Variants in CPNE7 observed in about 807,000 individuals in gnomAD.
CPNE7 encodes copine 7.
In CPNE7, 78 loss-of-function variants were observed where a neutral mutation model predicts 66.5. The ratio of observed to expected loss-of-function variants is 1.17; its 90% CI spans 0.98 to 1.42. The LOEUF (loss-of-function observed/expected upper bound fraction) is 1.42. CPNE7 is among the 40% of genes most tolerant of loss of function. The pLI is 0.00. For synonymous variants in CPNE7, 468 were observed against 336.7 expected, an observed-to-expected ratio of 1.39 and a Z score of -4.27; for missense variants, 1,012 against 776.6, an observed-to-expected ratio of 1.30 and a Z score of -3.60.
At chr16:89,587,327 G>GCCGCCCC (rs2059069034) in intron 9 of CPNE7, among the ~76,000 whole-genome samples, 2 of 16 alleles carry the variant, frequency 0.12, 1 homozygote, top group African/African-American at 0.2. Flanking sequence ...CCCTCAGTCC[G>GCCGCCCC]TGGCCCCGCC....
chr16:89,583,509 G>A, intron 2 of CPNE7, 188 bp from the exon 3 acceptor site: 1 of 1,560,212 alleles, frequency 6.4e-7, no homozygotes. Context: ...TGCAGGGGTG[G>A]CCACACGCAG....
Position 89,591,178 on chromosome 16 carries a change from T to C in CPNE7, c.1220T>C (p.Leu407Pro), listed in dbSNP as rs760578733. 1.9e-5 allele frequency: 30 copies of C among 1,604,250 alleles called. No individual in the cohort carries two copies. The East Asian group carries it at 6.3e-4, about 34-fold the overall frequency. ...AYQNCLPRVQ[L>P]YGPTNVAPII... ...CAGAACTGCCTGCCCAGGGTCCAGC[T>C]CTACGGCCCCACCAACGTGGCGCCC... is the stretch of plus-strand genomic sequence containing the variant. The change falls in exon 13 of 15, where the codon CTC becomes CCC. Residue 407 changes from leucine (L) to proline (P), a missense_variant. Leu to Pro is a moderately conservative substitution (Grantham distance 98). Transcript: ENST00000319518.
chr16:89,592,997 A>T (rs2059198822), intron 13 of CPNE7, among the ~76,000 whole-genome samples: 1 of 150,606 alleles, frequency 6.6e-6, no homozygotes, highest in Admixed American at 6.6e-5. Context: ...ATTTTTGTAG[A>T]GATGGGGTTT....
At chr16:89,585,154 T>C (rs1445928536) in intron 5 of CPNE7, among the ~76,000 whole-genome samples, 2 of 152,238 alleles carry the variant, frequency 1.3e-5, no homozygotes, top group Non-Finnish European at 2.9e-5. Flanking sequence ...GAGAGTGCTT[T>C]CTTTTGAGAG....
intron 2 of CPNE7, chr16:89,578,899 G>A (rs760485243): frequency 1.2e-6 from 2 of 1,613,760 alleles, no homozygotes; most frequent in South Asian, 1.1e-5. Flanking sequence ...GAGAGTGTCT[G>A]TTGATGTGCT....
chr16:89,580,300 C>T (rs1860441569), intron 2 of CPNE7, among the ~76,000 whole-genome samples: 1 of 138,082 alleles, frequency 7.2e-6, no homozygotes, highest in African/African-American at 2.8e-5. Context: ...ACGGAACATC[C>T]CGTCACCCGC....
At chr16:89,582,276 C>G (rs2151433315) in intron 2 of CPNE7, among the ~76,000 whole-genome samples, 1 of 152,332 alleles carries the variant, frequency 6.6e-6, no homozygotes, top group Middle Eastern at 3.4e-3. Flanking sequence ...TCATGTGATT[C>G]AAGTAAACAG....
intron 2 of CPNE7, 80 bp from the exon 3 acceptor site, chr16:89,583,617 C>A (rs1023860263): frequency 2.5e-6 from 4 of 1,606,750 alleles, no homozygotes; most frequent in Non-Finnish European, 3.4e-6. Context: ...CCTGAGAGTC[C>A]GGGTGAGGGC....
In CPNE7 at chr16:89,595,544, C is replaced by T. The variant is rs760212835; in HGVS notation, c.1480C>T (p.Arg494Trp). The change falls in exon 14 of 15, where the codon CGG (arginine) becomes TGG (tryptophan). Residue 494 changes from arginine to tryptophan, a missense_variant. Physicochemically the swap from Arg to Trp is moderately radical, Grantham distance 101 (BLOSUM62 -3). Coordinates refer to ENST00000319518, the MANE Select transcript of CPNE7 (RefSeq NM_153636.3). ...CGACGACGGCGTCCTGCGCTCCCCA[C>T]GGGGTGAGCCCGCGCTCCGGGACAT... The part of the protein sequence containing the change: ...DGDDGVLRSP[R>W]GEPALRDIVQ... The T allele has an allele frequency of 9.3e-6, 15 of 1,612,278 alleles. No homozygotes were observed. Among genetic ancestry groups the T allele is most frequent in the South Asian group, 5.5e-5 (5 of 91,048 alleles).
chr16:89,595,132 AGAC>A (rs1331978283), intron 13 of CPNE7, among the ~76,000 whole-genome samples: 8 of 152,084 alleles, frequency 5.3e-5, no homozygotes, highest in Non-Finnish European at 1.2e-4. Context: ...GCCCTCCGTG[AGAC>A]TCGTGGAGAT....
chr16:89,589,513 G>C (rs1409715405), intron 10 of CPNE7, among the ~76,000 whole-genome samples: 1 of 152,134 alleles, frequency 6.6e-6, no homozygotes, highest in Non-Finnish European at 1.5e-5. Context: ...CCTGGCCTGG[G>C]GCTTGGGAGA....
intron 1 of CPNE7, among the ~76,000 whole-genome samples, 200 bp downstream of exon 1, chr16:89,576,271 C>CTGG (rs2058858067): frequency 6.6e-6 from 1 of 151,650 alleles, no homozygotes; most frequent in African/African-American, 2.4e-5. Flanking sequence ...AGAGGCTGGG[C>CTGG]TGGAGGAGGT....
At chr16:89,579,073 G>A (rs1047503177) in intron 2 of CPNE7, 84 of 1,095,114 alleles carry the variant, frequency 7.7e-5, no homozygotes, top group Non-Finnish European at 2.9e-5. Context: ...GGGGGATCAC[G>A]AGGTCAGGAG....
In CPNE7 at chr16:89,591,203, C is replaced by T. The variant is rs373809995; in HGVS notation, c.1245C>T (p.Pro415=). ...TCTACGGCCCCACCAACGTGGCGCC[C>T]ATCATCTCCAAGGTGGCACGCGTGG... ...VQLYGPTNVA[P]IISKVARVAA... is the part of the protein sequence containing the mutation. The change falls in exon 13 of 15, where the codon CCC becomes CCT. Residue 415 remains proline (P), a synonymous_variant. Coordinates refer to ENST00000319518, the MANE Select transcript of CPNE7 (RefSeq NM_153636.3). The T allele has an allele frequency of 1.0e-5, 16 of 1,596,864 alleles. No homozygotes were observed. The highest frequency in any genetic ancestry group is 1.0e-5 in the Non-Finnish European group (12 of 1,171,938).
At chr16:89,587,670 GACCCCGCGTCACCCATAGATACGCAC>G (rs1423616966) in intron 9 of CPNE7, 18 of 411,230 alleles carry the variant, frequency 4.4e-5, no homozygotes, top group African/African-American at 8.4e-5. Context: ...GTCACCCGCA[GACCCCGCGTCACCCATAGATACGCAC>G]ACCCCGTGTC....
At chr16:89,578,125 C>T (rs570651093) in intron 2 of CPNE7, among the ~76,000 whole-genome samples, 5 of 146,406 alleles carry the variant, frequency 3.4e-5, no homozygotes, top group African/African-American at 1.0e-4. Context: ...AGTGCAGTGG[C>T]GTGATCTCGG....
chr16:89,576,684 C>T (rs902992697), intron 1 of CPNE7, among the ~76,000 whole-genome samples: 7 of 152,150 alleles, frequency 4.6e-5, no homozygotes, highest in African/African-American at 1.7e-4. Flanking sequence ...GGCGCGAAGC[C>T]GCAGCGGGCG....
chr16:89,583,382 C>T, intron 2 of CPNE7: 1 of 1,485,714 alleles, frequency 6.7e-7, no homozygotes, highest in African/African-American at 1.4e-5. Flanking sequence ...AGGTGCAGGC[C>T]AGCTGGGCTG....
At chr16:89,594,755 G>T (rs1465966115) in intron 13 of CPNE7, among the ~76,000 whole-genome samples, 1 of 145,204 alleles carries the variant, frequency 6.9e-6, no homozygotes, top group South Asian at 2.2e-4. Context: ...AAGTTCAAGC[G>T]ATTCTCATGC....
Sources: gnomAD v4.1 joint callset for allele counts (sites outside exome capture counted in the v4.1 genomes callset) on GRCh38, gnomAD v4.1.1 for gene constraint, MANE v1.5 for transcripts, NCBI Gene and HGNC (gene_info 2026-07-23, HGNC 2026-07-21) for gene names.